Variants in CAMTA1 observed in about 807,000 individuals in gnomAD.
The protein encoded by CAMTA1 is calmodulin-binding transcription activator 1.
In CAMTA1, 27 loss-of-function variants were observed where a neutral mutation model predicts 170.9. The ratio of observed to expected loss-of-function variants is 0.16; its 90% CI spans 0.12 to 0.22. CAMTA1 has a LOEUF of 0.22. Among genes scored for constraint, CAMTA1 ranks in the 10% least tolerant of loss-of-function variants. The pLI, the probability that CAMTA1 is intolerant of heterozygous loss-of-function variation, is 1.00. For synonymous variants in CAMTA1, 833 were observed against 891.5 expected, an observed-to-expected ratio of 0.93 and a Z score of 1.17; for missense variants, 1,619 against 2,217.2, an observed-to-expected ratio of 0.73 and a Z score of 5.42.
In CAMTA1 at chr1:7,532,056, G is replaced by A. The variant is rs936213784; in HGVS notation, c.510+64155G>A. Among the ~76,000 whole-genome samples, 2 of 152,218 alleles carry A rather than the reference G, an allele frequency of 1.3e-5. No individual in the cohort carries two copies. The highest frequency in any genetic ancestry group is 4.8e-5 in the African/African-American group (2 of 41,460). On this transcript the variant is annotated intron_variant, in intron 6 of 22. Coordinates refer to ENST00000303635, the MANE Select transcript of CAMTA1 (RefSeq NM_015215.4). This position sits in a 1 kb window ranked among gnomAD's most constrained non-coding sequence, Gnocchi z 4.2. ...AGGAAATGAAAGCAGTGGAAGAAAG[G>A]CAGAGAGGAAGGGGCAGGGGCGGCG...
chr1:6,857,854 G>T (rs748118566), intron 3 of CAMTA1, among the ~76,000 whole-genome samples: 9 of 152,194 alleles, frequency 5.9e-5, no homozygotes, highest in Non-Finnish European at 1.5e-5. Flanking sequence ...TTAATGGGGA[G>T]ATCTAGGGAT....
In CAMTA1 at chr1:7,309,286, A is replaced by ATT. The variant is rs1557486806; in HGVS notation, c.438+59660_438+59661insTT. ...TGTCTTTTCATTATTGCAGTTAGAA[A>ATT]ATTTTTTTTTTTTTTTTTTTTTTTT... On this transcript the variant is annotated intron_variant, in intron 5 of 22. Coordinates refer to ENST00000303635, the MANE Select transcript of CAMTA1 (RefSeq NM_015215.4). 7.3e-4 allele frequency among the ~76,000 whole-genome samples: 104 copies of ATT among 142,946 alleles called. 1 individual carries two copies. Among genetic ancestry groups the ATT allele is most frequent in the African/African-American group, 2.6e-3 (99 of 38,534 alleles). The allele number at this position is 142,946 out of a possible 152,430, so 93.8% of individuals were successfully genotyped here.
At chr1:6,832,093 T>A (rs779817444) in intron 3 of CAMTA1, among the ~76,000 whole-genome samples, 13 of 152,062 alleles carry the variant, frequency 8.5e-5, no homozygotes, top group Admixed American at 2.0e-4. Flanking sequence ...TTTTTTATTT[T>A]TTTTTTTTGA....
intron 3 of CAMTA1, among the ~76,000 whole-genome samples, chr1:6,929,248 C>T (rs1271006896): frequency 2.0e-5 from 3 of 152,152 alleles, no homozygotes; most frequent in East Asian, 1.9e-4. Context: ...GGTGCGATCT[C>T]GGCTCACTGC....
At chr1:7,651,939 T>A (rs1007324422) in intron 7 of CAMTA1, among the ~76,000 whole-genome samples, 1 of 152,218 alleles carries the variant, frequency 6.6e-6, no homozygotes, top group Non-Finnish European at 1.5e-5. Context: ...AGGTTTTCCC[T>A]GCCCTTTGGG....
At chr1:7,116,803 AC>A (rs1194339841) in intron 4 of CAMTA1, among the ~76,000 whole-genome samples, 1 of 148,552 alleles carries the variant, frequency 6.7e-6, no homozygotes, top group Admixed American at 6.7e-5. Flanking sequence ...GCCTGCCACC[AC>A]GCCTGGCTAA....
chr1:7,336,914 C>T (rs2083419417), intron 5 of CAMTA1, among the ~76,000 whole-genome samples: 1 of 152,330 alleles, frequency 6.6e-6, no homozygotes, highest in East Asian at 1.9e-4. Flanking sequence ...TCAAGGCCAG[C>T]GGCCCCCTCC....
At chr1:6,966,561 C>T (rs184263930) in intron 3 of CAMTA1, among the ~76,000 whole-genome samples, 4 of 150,172 alleles carry the variant, frequency 2.7e-5, no homozygotes, top group East Asian at 2.0e-4. Context: ...TGAACAGATA[C>T]GTTCTATTTA....
intron 14 of CAMTA1, 123 bp downstream of exon 14, chr1:7,737,132 A>G (rs755659186): frequency 3.6e-5 from 48 of 1,328,440 alleles, no homozygotes; most frequent in Non-Finnish European, 5.0e-5. Context: ...TGGGATGGGA[A>G]TCTTCAATGG....
In CAMTA1 at chr1:7,041,158, C is replaced by G. The variant is rs577638645; in HGVS notation, c.235-50146C>G. ...CCTAAAAGTTGGCCCCAAGCCAGTG[C>G]GGGCGACGGTGTCAGCCACCCTTGG... On this transcript the variant is annotated intron_variant, in intron 3 of 22. Transcript: ENST00000303635. This position sits in a 1 kb window ranked among gnomAD's most constrained non-coding sequence, Gnocchi z 5.1. Among the ~76,000 whole-genome samples the G allele has an allele frequency of 6.6e-6, 1 of 152,358 alleles. No homozygotes were observed. Among genetic ancestry groups the G allele is most frequent in the East Asian group, 1.9e-4 (1 of 5,182 alleles).
chr1:6,972,636 G>A (rs983681696), intron 3 of CAMTA1, among the ~76,000 whole-genome samples: 1 of 152,186 alleles, frequency 6.6e-6, no homozygotes, highest in East Asian at 1.9e-4. Flanking sequence ...TGTCTTAGGG[G>A]CTGGCAGTTG....
chr1:7,143,485 C>T (rs1646004176), intron 4 of CAMTA1, among the ~76,000 whole-genome samples: 1 of 152,196 alleles, frequency 6.6e-6, no homozygotes, highest in South Asian at 2.1e-4. Flanking sequence ...CATTGGCTTT[C>T]TCCCATCTCT....
intron 21 of CAMTA1, among the ~76,000 whole-genome samples, chr1:7,755,429 C>T (rs1340822517): frequency 6.6e-6 from 1 of 150,884 alleles, no homozygotes; most frequent in Non-Finnish European, 1.5e-5. Context: ...TATCCCATTT[C>T]TAAGTCATAT....
intron 4 of CAMTA1, among the ~76,000 whole-genome samples, chr1:7,109,876 C>G (rs943131869): frequency 1.3e-5 from 2 of 152,156 alleles, no homozygotes; most frequent in African/African-American, 4.8e-5. Flanking sequence ...CTGAGGAGCA[C>G]TCGGGGTCTG....
At chr1:7,031,762 T>C (rs1241810809) in intron 3 of CAMTA1, among the ~76,000 whole-genome samples, 3 of 151,192 alleles carry the variant, frequency 2.0e-5, no homozygotes, top group South Asian at 2.1e-4. Context: ...AGGATGGTGT[T>C]GATCTCCTGA....
intron 12 of CAMTA1, among the ~76,000 whole-genome samples, chr1:7,733,127 G>T (rs531624171): frequency 3.3e-5 from 5 of 152,000 alleles, no homozygotes; most frequent in Non-Finnish European, 4.4e-5. Flanking sequence ...ACTTGAGCCC[G>T]GGAGGTTGAG....
intron 6 of CAMTA1, among the ~76,000 whole-genome samples, chr1:7,627,230 C>A (rs1025374045): frequency 6.6e-6 from 1 of 152,192 alleles, no homozygotes; most frequent in Non-Finnish European, 1.5e-5. Flanking sequence ...TGGTGTTTAG[C>A]TCATCGTCTG....
chr1:7,679,440 G>A (rs1348087673), intron 11 of CAMTA1, among the ~76,000 whole-genome samples: 1 of 152,172 alleles, frequency 6.6e-6, no homozygotes, highest in Non-Finnish European at 1.5e-5. Context: ...GCTACGGCAC[G>A]GGAGGATGCT....
chr1:7,586,348 C>T (rs753489331), intron 6 of CAMTA1, among the ~76,000 whole-genome samples: 2 of 152,202 alleles, frequency 1.3e-5, no homozygotes, highest in Non-Finnish European at 2.9e-5. Flanking sequence ...TCCCCGTTAT[C>T]GCAGAAGGCG....
Sources: allele counts gnomAD v4.1 joint callset (sites outside exome capture counted in the v4.1 genomes callset), GRCh38; gene constraint gnomAD v4.1.1; non-coding constraint Gnocchi (gnomAD v3.1); transcripts MANE v1.5; gene names NCBI Gene and HGNC (gene_info 2026-07-23, HGNC 2026-07-21).